The following CDH12 variants were observed in gnomAD, a reference collection of about 807,000 sequenced individuals.
The protein encoded by CDH12 is cadherin-12.
CDH12 carries 41 observed loss-of-function variants against 74.1 expected under a neutral mutation model. That is an observed-to-expected ratio of 0.55 (90% CI 0.43 to 0.72). The LOEUF (loss-of-function observed/expected upper bound fraction) is 0.72. Among genes scored for constraint, CDH12 ranks in the 30% least tolerant of loss-of-function variants. The pLI is 0.00. For missense variants in CDH12, 945 were observed against 977.2 expected, an observed-to-expected ratio of 0.97 and a Z score of 0.44; for synonymous variants, 399 against 355.0, an observed-to-expected ratio of 1.12 and a Z score of -1.39.
At chr5:21,781,008 A>T (rs937754610) in intron 11 of CDH12, among the ~76,000 whole-genome samples, 1 of 152,168 alleles carries the variant, frequency 6.6e-6, no homozygotes, top group Non-Finnish European at 1.5e-5. Context: ...GGAGACTGTC[A>T]TTCTCTTCTC....
chr5:22,753,860 TGCTAACAAAA>T (rs1339418936), intron 1 of CDH12, among the ~76,000 whole-genome samples: 1 of 152,104 alleles, frequency 6.6e-6, no homozygotes, highest in African/African-American at 2.4e-5. Context: ...CAATTTGCTT[TGCTAACAAAA>T]ACCAAAGAAA....
At chr5:21,977,736 T>C (rs1252271424) in intron 5 of CDH12, among the ~76,000 whole-genome samples, 3 of 152,132 alleles carry the variant, frequency 2.0e-5, no homozygotes, top group Non-Finnish European at 4.4e-5. Context: ...TCTTCTACCT[T>C]TTCCTTCAAA....
At chr5:22,496,595 T>C (rs1461678255) in intron 2 of CDH12, among the ~76,000 whole-genome samples, 1 of 152,208 alleles carries the variant, frequency 6.6e-6, no homozygotes, top group African/African-American at 2.4e-5. Context: ...TCTGTCTTTA[T>C]TTTGTTTTCG....
intron 1 of CDH12, among the ~76,000 whole-genome samples, chr5:22,518,572 T>C (rs983243666): frequency 3.3e-5 from 5 of 152,244 alleles, no homozygotes; most frequent in Non-Finnish European, 7.3e-5. Context: ...ATGTTAAATT[T>C]ACTGTTTCAA....
At chr5:22,838,051 G>T (rs1257907011) in intron 1 of CDH12, among the ~76,000 whole-genome samples, 2 of 152,166 alleles carry the variant, frequency 1.3e-5, no homozygotes, top group East Asian at 1.9e-4. Flanking sequence ...ATTCTCCAAG[G>T]TCATTGTAGG....
In CDH12 at chr5:22,822,894, A is replaced by G. The variant is rs187879615; in HGVS notation, c.-523+30164T>C. Among the ~76,000 whole-genome samples, 478 of 152,288 alleles carry G rather than the reference A, an allele frequency of 3.1e-3. 15 individuals carry two copies. The South Asian group carries it at 0.073, about 23-fold the overall frequency. On this transcript the variant is annotated intron_variant, in intron 1 of 14. Coordinates refer to ENST00000382254, the MANE Select transcript of CDH12 (RefSeq NM_004061.5). ...CATCCGATTCCTGGGTATATACCCA[A>G]AGAATTATAAATCATGCTGCTATAA... is the stretch of plus-strand genomic sequence containing the variant.
chr5:22,695,319 A>G (rs904023297), intron 1 of CDH12, among the ~76,000 whole-genome samples: 8 of 152,186 alleles, frequency 5.3e-5, no homozygotes, highest in African/African-American at 1.9e-4. Context: ...TTGTATGTGT[A>G]CTTACAGCAG....
chr5:21,999,391 G>A (rs762235579), intron 5 of CDH12, among the ~76,000 whole-genome samples: 1 of 152,102 alleles, frequency 6.6e-6, no homozygotes, highest in African/African-American at 2.4e-5. Context: ...AATGAAAATT[G>A]ACTTTCTTTT....
intron 10 of CDH12, among the ~76,000 whole-genome samples, chr5:21,791,156 A>G (rs1193584016): frequency 1.3e-5 from 2 of 152,074 alleles, no homozygotes; most frequent in Admixed American, 1.3e-4. Flanking sequence ...GCCTAATACT[A>G]GCTCCTGGCA....
chr5:22,733,096 C>T lies in CDH12; in HGVS notation c.-523+119962G>A, dbSNP rs187973327. 4.9e-4 allele frequency among the ~76,000 whole-genome samples: 75 copies of T among 151,918 alleles called. No individual in the cohort carries two copies. The East Asian group carries it at 7.8e-3, about 16-fold the overall frequency. On this transcript the variant is annotated intron_variant, in intron 1 of 14. Coordinates refer to ENST00000382254, the MANE Select transcript of CDH12 (RefSeq NM_004061.5). ...GACTGAAGTTATCCCTATGAAGAAT[C>T]CAGAACAGATAATGAACACAATAAT...
chr5:21,967,275 G>A (rs188453158), intron 6 of CDH12, among the ~76,000 whole-genome samples: 4 of 152,298 alleles, frequency 2.6e-5, no homozygotes, highest in East Asian at 1.9e-4. Flanking sequence ...TTGGGCCAAC[G>A]TAGCATCTTG....
chr5:21,957,192 T>G, intron 6 of CDH12, among the ~76,000 whole-genome samples: 1 of 152,174 alleles, frequency 6.6e-6, no homozygotes, highest in Admixed American at 6.6e-5. Context: ...TTTTTGTTCC[T>G]GTGTTAATTT....
intron 4 of CDH12, among the ~76,000 whole-genome samples, chr5:22,208,684 G>A (rs957615689): frequency 6.6e-6 from 1 of 152,182 alleles, no homozygotes; most frequent in Admixed American, 6.5e-5. Context: ...CCAGTCTAGA[G>A]AGGGCTGTCT....
chr5:22,801,636 C>CATATAGAT (rs1748519022), intron 1 of CDH12, among the ~76,000 whole-genome samples: 1 of 50,882 alleles, frequency 2.0e-5, no homozygotes, highest in Non-Finnish European at 3.8e-5. Flanking sequence ...CTCTGCTTAT[C>CATATAGAT]ATATATATAT....
At chr5:22,145,989 A>C (rs1747150885) in intron 4 of CDH12, among the ~76,000 whole-genome samples, 1 of 152,014 alleles carries the variant, frequency 6.6e-6, no homozygotes, top group Admixed American at 6.6e-5. Flanking sequence ...CATATCATTT[A>C]AACATTTTTC....
At chr5:21,870,219 T>C (rs933709543) in intron 6 of CDH12, among the ~76,000 whole-genome samples, 3 of 152,106 alleles carry the variant, frequency 2.0e-5, no homozygotes, top group African/African-American at 7.2e-5. Flanking sequence ...CAGTCTTGGG[T>C]ATGTCTTTAT....
At chr5:21,769,466 G>A (rs529578248) in intron 11 of CDH12, among the ~76,000 whole-genome samples, 8 of 152,186 alleles carry the variant, frequency 5.3e-5, no homozygotes, top group African/African-American at 1.4e-4. Flanking sequence ...TACTAGCAAC[G>A]TCTAAATTTG....
chr5:22,786,697 C>CT (rs368117799), intron 1 of CDH12, among the ~76,000 whole-genome samples: 42 of 150,804 alleles, frequency 2.8e-4, no homozygotes, highest in African/African-American at 3.9e-4. Context: ...TGCCTACATT[C>CT]TTTTTTTTTC....
chr5:21,776,474 G>T (rs1745595088), intron 11 of CDH12, among the ~76,000 whole-genome samples: 1 of 152,146 alleles, frequency 6.6e-6, no homozygotes, highest in Non-Finnish European at 1.5e-5. Context: ...TTGAAGACCT[G>T]TTCGTGAATA....
Sources: gnomAD v4.1 joint callset for allele counts (sites outside exome capture counted in the v4.1 genomes callset) on GRCh38, gnomAD v4.1.1 for gene constraint, MANE v1.5 for transcripts, NCBI Gene and HGNC (gene_info 2026-07-23, HGNC 2026-07-21) for gene names.